Variants in ARHGAP10 observed in about 807,000 individuals in gnomAD.
ARHGAP10 encodes rho GTPase-activating protein 10.
A neutral mutation model predicts 108.6 loss-of-function variants in ARHGAP10; 87 were observed. The ratio of observed to expected loss-of-function variants is 0.80; its 90% CI spans 0.67 to 0.96. ARHGAP10 has a LOEUF of 0.96. Among genes scored for constraint, ARHGAP10 ranks in the 40% least tolerant of loss-of-function variants. The pLI, the probability that ARHGAP10 is intolerant of heterozygous loss-of-function variation, is 0.00. For missense variants in ARHGAP10, 939 were observed against 954.5 expected (o/e 0.98, Z 0.21); for synonymous variants, 347 against 341.1 (o/e 1.02, Z -0.19).
intron 8 of ARHGAP10, among the ~76,000 whole-genome samples, 182 bp from the exon 9 acceptor site, chr4:147,879,050 G>T (rs898116938): frequency 1.3e-5 from 2 of 152,184 alleles, no homozygotes; most frequent in Admixed American, 1.3e-4. Context: ...GATTACAGGC[G>T]TGAGCCACCG....
chr4:148,050,023 G>A (rs957054877), intron 20 of ARHGAP10, among the ~76,000 whole-genome samples: 1 of 151,920 alleles, frequency 6.6e-6, no homozygotes, highest in Non-Finnish European at 1.5e-5. Flanking sequence ...ACGTGCCACC[G>A]CACTGGCTAC....
At chr4:147,806,475 G>A (rs1307393804) in intron 1 of ARHGAP10, among the ~76,000 whole-genome samples, 10 of 149,922 alleles carry the variant, frequency 6.7e-5, no homozygotes, top group African/African-American at 2.5e-4. Context: ...AGTAATCAGG[G>A]GCTTTTTTTC....
intron 1 of ARHGAP10, among the ~76,000 whole-genome samples, chr4:147,793,114 T>C (rs868278821): frequency 6.4e-4 from 97 of 152,154 alleles, no homozygotes; most frequent in African/African-American, 2.3e-3. Flanking sequence ...CACTCCAGCC[T>C]GGGCGACAGA....
intron 22 of ARHGAP10, among the ~76,000 whole-genome samples, chr4:148,066,930 C>T (rs919707020): frequency 2.6e-5 from 4 of 152,220 alleles, no homozygotes; most frequent in African/African-American, 7.2e-5. Context: ...GACGAGGCTA[C>T]GCTTTGAGCC....
intron 12 of ARHGAP10, among the ~76,000 whole-genome samples, chr4:147,911,949 T>C (rs1342623521): frequency 6.6e-5 from 9 of 135,886 alleles, no homozygotes; most frequent in African/African-American, 1.6e-4. Flanking sequence ...TTTTTTTTTT[T>C]AAAGGATTGT....
At position 148,069,213 on chromosome 4, in the gene ARHGAP10, G is replaced by A. The variant is rs146315403; in HGVS notation, c.2273-2780G>A. Reference sequence around the variant, plus strand: ...GCCTGCCAGCCTTATCTGCAACTGCGGAGCCACTTTTCCTGTGCTTGGGGA... The same window carrying A: ...GCCTGCCAGCCTTATCTGCAACTGCAGAGCCACTTTTCCTGTGCTTGGGGA... On this transcript the variant is annotated intron_variant, in intron 22 of 22. Transcript: ENST00000336498. Among the ~76,000 whole-genome samples, 592 of 152,210 alleles carry A rather than the reference G, an allele frequency of 3.9e-3. 8 individuals are homozygous for A. The highest frequency in any genetic ancestry group is 0.013 in the African/African-American group (530 of 41,526).
intron 19 of ARHGAP10, among the ~76,000 whole-genome samples, chr4:148,041,223 G>A (rs558172951): frequency 6.6e-6 from 1 of 152,182 alleles, no homozygotes; most frequent in Non-Finnish European, 1.5e-5. Flanking sequence ...GCATGGGATA[G>A]CTTTGCTGAT....
intron 18 of ARHGAP10, among the ~76,000 whole-genome samples, chr4:148,017,883 C>T (rs896290232): frequency 1.2e-4 from 18 of 152,140 alleles, no homozygotes; most frequent in Middle Eastern, 3.4e-3. Context: ...GTCATTTCCA[C>T]ATGTGGTCCC....
rs1222363479 is a variant in ARHGAP10 at position 147,814,466 on chromosome 4, AG to A, written c.155-8260del. On this transcript the variant is annotated intron_variant, in intron 1 of 22. Transcript: ENST00000336498. ...GAGGAGTGAACAAACTCATTTGTTA[AG>A]CGAGATGAACACCTGACAGCTAAAT... Among the ~76,000 whole-genome samples the A allele has an allele frequency of 2.0e-5, 3 of 152,188 alleles. No individual in the cohort carries two copies. In the East Asian group the frequency reaches 5.8e-4, roughly 29 times the overall value.
At chr4:147,943,630 G>T (rs1738253875) in intron 14 of ARHGAP10, among the ~76,000 whole-genome samples, 1 of 152,170 alleles carries the variant, frequency 6.6e-6, no homozygotes, top group African/African-American at 2.4e-5. Flanking sequence ...TTTTATCTGT[G>T]CTTGTTAGTT....
At chr4:147,923,521 A>AT (rs1737331410) in intron 13 of ARHGAP10, among the ~76,000 whole-genome samples, 1 of 152,222 alleles carries the variant, frequency 6.6e-6, no homozygotes, top group South Asian at 2.1e-4. Flanking sequence ...TATGTGGATA[A>AT]TTTGAATATT....
At chr4:147,786,702 GT>G (rs1311555008) in intron 1 of ARHGAP10, among the ~76,000 whole-genome samples, 1 of 152,178 alleles carries the variant, frequency 6.6e-6, no homozygotes, top group Non-Finnish European at 1.5e-5. Context: ...GCATAGATTA[GT>G]TTTTGTGTTG....
intron 13 of ARHGAP10, among the ~76,000 whole-genome samples, chr4:147,939,026 A>G (rs1738065025): frequency 6.6e-6 from 1 of 152,184 alleles, no homozygotes; most frequent in Non-Finnish European, 1.5e-5. Flanking sequence ...ATGTAAGGTT[A>G]CTTTTAACCC....
At chr4:147,849,161 G>T (rs981355067) in intron 4 of ARHGAP10, among the ~76,000 whole-genome samples, 3 of 151,546 alleles carry the variant, frequency 2.0e-5, no homozygotes, top group Non-Finnish European at 4.4e-5. Flanking sequence ...GTGGTTGTCT[G>T]TGTTCTGTAA....
intron 13 of ARHGAP10, among the ~76,000 whole-genome samples, chr4:147,937,858 A>G (rs2126958944): frequency 6.6e-6 from 1 of 152,322 alleles, no homozygotes. Context: ...ATATGCCTGT[A>G]ATCCCAGCTA....
chr4:147,743,506 A>G (rs992344272), intron 1 of ARHGAP10, among the ~76,000 whole-genome samples: 1 of 151,754 alleles, frequency 6.6e-6, no homozygotes, highest in African/African-American at 2.4e-5. Flanking sequence ...AGCTGGGCAC[A>G]GTGGTGCACG....
At chr4:148,032,985 C>G (rs927666040) in intron 19 of ARHGAP10, among the ~76,000 whole-genome samples, 6 of 152,166 alleles carry the variant, frequency 3.9e-5, no homozygotes, top group African/African-American at 1.4e-4. Flanking sequence ...TGGCAACACC[C>G]TCACCGACAC....
chr4:148,043,790 A>ATATATATGTG (rs1728760506), intron 19 of ARHGAP10, among the ~76,000 whole-genome samples: 2 of 146,050 alleles, frequency 1.4e-5, no homozygotes, highest in African/African-American at 5.0e-5. Context: ...ATATATATGT[A>ATATATATGTG]TATATATATG....
intron 10 of ARHGAP10, among the ~76,000 whole-genome samples, chr4:147,882,560 TAAAAAG>T (rs1291355166): frequency 1.1e-4 from 16 of 152,122 alleles, no homozygotes; most frequent in African/African-American, 3.9e-4. Context: ...GTGACAAAGC[TAAAAAG>T]GGGTGATAGG....
Sources: allele counts gnomAD v4.1 joint callset (sites outside exome capture counted in the v4.1 genomes callset), GRCh38; gene constraint gnomAD v4.1.1; transcripts MANE v1.5; gene names NCBI Gene and HGNC (gene_info 2026-07-23, HGNC 2026-07-21).